SAP30BP: variants seen among roughly 807,000 people sequenced by gnomAD.
The protein encoded by SAP30BP is SAP30-binding protein.
SAP30BP carries 31 observed loss-of-function variants against 46.3 expected under a neutral mutation model. That is an observed-to-expected ratio of 0.67 (90% CI 0.50 to 0.90). The LOEUF (loss-of-function observed/expected upper bound fraction) is 0.90, where lower values mean the gene tolerates loss of function less well. Ranked by LOEUF, SAP30BP falls within the 40% of genes least tolerant of loss-of-function variation. The pLI is 0.00. For missense variants in SAP30BP, 312 were observed against 391.0 expected, an observed-to-expected ratio of 0.80 and a Z score of 1.70; for synonymous variants, 169 against 144.2, an observed-to-expected ratio of 1.17 and a Z score of -1.23.
At chr17:75,678,991 G>GTTTTT (rs1008252984) in intron 3 of SAP30BP, among the ~76,000 whole-genome samples, 7 of 134,448 alleles carry the variant, frequency 5.2e-5, no homozygotes, top group African/African-American at 5.5e-5. Context: ...TTTCAGGCAA[G>GTTTTT]TTTTTTTTTT....
At position 75,706,335 on chromosome 17, in the gene SAP30BP, T is replaced by C. The variant is rs202104649; in HGVS notation, c.746-5T>C. 1 of 1,612,122 alleles carries C rather than the reference T, an allele frequency of 6.2e-7. No homozygotes were observed. The highest frequency in any genetic ancestry group is 2.2e-5 in the East Asian group (1 of 44,866). Reference sequence around the variant, plus strand: ...TCGTGATCCTGATTTCTGCTTTATCTCCAGATGCTCAGAAGAGAAAGAGCA... The same window carrying C: ...TCGTGATCCTGATTTCTGCTTTATCCCCAGATGCTCAGAAGAGAAAGAGCA... On this transcript the variant is annotated splice_region_variant and splice_polypyrimidine_tract_variant and intron_variant, in intron 10 of 10. Coordinates refer to ENST00000584667, the MANE Select transcript of SAP30BP (RefSeq NM_013260.8). This position sits in a 1 kb window ranked among gnomAD's most constrained non-coding sequence, Gnocchi z 4.6.
At chr17:75,679,145 C>T (rs1480465268) in intron 3 of SAP30BP, among the ~76,000 whole-genome samples, 6 of 151,978 alleles carry the variant, frequency 3.9e-5, no homozygotes, top group East Asian at 1.9e-4. Flanking sequence ...TACAGGCGCC[C>T]GCCACCACAC....
chr17:75,697,568 C>A (rs1014090482), intron 4 of SAP30BP, among the ~76,000 whole-genome samples: 1 of 152,242 alleles, frequency 6.6e-6, no homozygotes, highest in Non-Finnish European at 1.5e-5. Flanking sequence ...ATCAATGTAT[C>A]ACCCAGTCTC....
chr17:75,682,778 A>T (rs1473198716), intron 3 of SAP30BP, among the ~76,000 whole-genome samples: 3 of 141,194 alleles, frequency 2.1e-5, no homozygotes, highest in African/African-American at 5.8e-5. Context: ...CCTGGCCAAC[A>T]TAGTGAAACC....
rs2059806222 is a variant in SAP30BP at position 75,667,419 on chromosome 17, A to G, written c.47A>G (p.Glu16Gly). The part of the protein sequence containing the change: ...NVLSSLAVYA[E>G]DSEPESDGEA... ...CTGTCGTCTCTCGCAGTTTACGCGG[A>G]AGATTCAGAGCCCGAGTCTGATGGC... Residue 16 changes from glutamate (E) to glycine (G), a missense_variant, in exon 1 of 11, where the codon GAA becomes GGA. Physicochemically the swap from Glu to Gly is moderately conservative, Grantham distance 98. Coordinates refer to ENST00000584667, the MANE Select transcript of SAP30BP (RefSeq NM_013260.8). 6.2e-7 allele frequency: 1 copy of G among 1,614,092 alleles called. No homozygotes were observed. Among genetic ancestry groups the G allele is most frequent in the South Asian group, 1.1e-5 (1 of 91,090 alleles).
chr17:75,706,531 C>T lies in SAP30BP; in HGVS notation c.*10C>T, dbSNP rs773156218. 6.2e-7 allele frequency: 1 copy of T among 1,612,916 alleles called. No homozygotes were observed. ...GAAGGCCAAGCAGTGACCTGAGGGG[C>T]CACCCTAGGACTTGAAAGGACCGTG... On this transcript the variant is annotated 3_prime_UTR_variant, in exon 11 of 11. Transcript: ENST00000584667. This position sits in a 1 kb window ranked among gnomAD's most constrained non-coding sequence, Gnocchi z 4.6.
At chr17:75,690,803 T>TGATTCTCCAGAGC (rs768721690) in intron 3 of SAP30BP, 1 of 455,904 alleles carries the variant, frequency 2.2e-6, no homozygotes, top group South Asian at 1.6e-5. Context: ...ATTCCCAGAT[T>TGATTCTCCAGAGC]GATTCTCCAG....
intron 3 of SAP30BP, among the ~76,000 whole-genome samples, chr17:75,689,299 T>C (rs2060208706): frequency 6.6e-6 from 1 of 151,934 alleles, no homozygotes. Context: ...GTATTTTTAG[T>C]GGAGAGGAGG....
At chr17:75,683,475 T>G (rs1236882328) in intron 3 of SAP30BP, 1 of 152,196 alleles carries the variant, frequency 6.6e-6, no homozygotes, top group Non-Finnish European at 1.5e-5. Context: ...TTTCACATCA[T>G]TTCCCTCATT....
At chr17:75,703,119 T>G in intron 6 of SAP30BP, 192 bp from the exon 7 acceptor site, 1 of 594,966 alleles carries the variant, frequency 1.7e-6, no homozygotes, top group South Asian at 2.0e-5. Context: ...CTTGACCCTG[T>G]GCTCCTCCCG....
At chr17:75,675,514 A>G (rs1158572761) in intron 3 of SAP30BP, among the ~76,000 whole-genome samples, 1 of 152,112 alleles carries the variant, frequency 6.6e-6, no homozygotes, top group Non-Finnish European at 1.5e-5. Flanking sequence ...AGGTTTCTTT[A>G]CACAATTAAA....
intron 3 of SAP30BP, chr17:75,684,622 T>C (rs1443612414): frequency 1.3e-5 from 2 of 152,236 alleles, no homozygotes; most frequent in African/African-American, 4.8e-5. Flanking sequence ...TGGATGGTCT[T>C]CTTTAGGCTT....
In SAP30BP at chr17:75,667,389, A is replaced by C. The variant is rs780885596; in HGVS notation, c.17A>C (p.Asn6Thr). The C allele has an allele frequency of 5.6e-6, 9 of 1,614,074 alleles. No homozygotes were observed. Among genetic ancestry groups the C allele is most frequent in the South Asian group, 1.1e-5 (1 of 91,092 alleles). The change falls in exon 1 of 11, where the codon AAT becomes ACT. Residue 6 changes from asparagine (N) to threonine (T), a missense_variant. Physicochemically the swap from Asn to Thr is moderately conservative, Grantham distance 65 (BLOSUM62 0). Coordinates refer to ENST00000584667, the MANE Select transcript of SAP30BP (RefSeq NM_013260.8). The stretch of plus-strand genomic sequence containing the variant: ...GGGAATAAGATGGCGGGGAAGAAGA[A>C]TGTTCTGTCGTCTCTCGCAGTTTAC... Reference protein sequence around the residue: MAGKKNVLSSLAVYAE... With the variant: MAGKKTVLSSLAVYAE...
At chr17:75,679,068 A>G (rs1346102976) in intron 3 of SAP30BP, among the ~76,000 whole-genome samples, 2 of 144,356 alleles carry the variant, frequency 1.4e-5, no homozygotes, top group Admixed American at 7.4e-5. Flanking sequence ...ATCTCAGCTC[A>G]CTGCAAGCTC....
chr17:75,691,308 A>G (rs959578550), intron 3 of SAP30BP: 1 of 400,940 alleles, frequency 2.5e-6, no homozygotes, highest in African/African-American at 2.1e-5. Context: ...TTTAGGGGGA[A>G]CTGAAGAGCC....
At chr17:75,704,893 C>T (rs1869727078) in intron 9 of SAP30BP, 79 bp downstream of exon 9, 1 of 1,125,776 alleles carries the variant, frequency 8.9e-7, no homozygotes, top group Admixed American at 1.7e-5. Context: ...CAGAAGGTGT[C>T]CAGGCTGCCC....
intron 3 of SAP30BP, chr17:75,691,302 G>A (rs1033850314): frequency 2.5e-6 from 1 of 393,644 alleles, no homozygotes; most frequent in African/African-American, 2.1e-5. Context: ...GAATAATTTA[G>A]GGGGAACTGA....
intron 7 of SAP30BP, 56 bp downstream of exon 7, chr17:75,703,427 G>A: frequency 6.6e-7 from 1 of 1,524,514 alleles, no homozygotes; most frequent in Non-Finnish European, 9.0e-7. Flanking sequence ...TCCTTTGCTT[G>A]TTCCATGGGA....
chr17:75,680,829 G>C (rs1290515987), intron 3 of SAP30BP, among the ~76,000 whole-genome samples: 1 of 152,190 alleles, frequency 6.6e-6, no homozygotes, highest in African/African-American at 2.4e-5. Context: ...GAGCACAGGA[G>C]TTTGAGACCA....
Sources: allele counts gnomAD v4.1 joint callset (sites outside exome capture counted in the v4.1 genomes callset), GRCh38; gene constraint gnomAD v4.1.1; non-coding constraint Gnocchi (gnomAD v3.1); transcripts MANE v1.5; gene names NCBI Gene and HGNC (gene_info 2026-07-23, HGNC 2026-07-21).